ADGRD1: variants seen among roughly 807,000 people sequenced by gnomAD.
ADGRD1 encodes the protein G-protein coupled receptor 133.
A neutral mutation model predicts 113.4 loss-of-function variants in ADGRD1; 77 were observed. The ratio of observed to expected loss-of-function variants is 0.68; its 90% confidence interval spans 0.57 to 0.82. ADGRD1 has a LOEUF of 0.82. ADGRD1 is among the 40% of genes least tolerant of loss of function. The probability of loss-of-function intolerance (pLI) is 0.00; values close to 1 mark genes in which losing one functional copy is unlikely to be tolerated. For missense variants in ADGRD1, 1,036 were observed against 1,139.1 expected (o/e 0.91, Z 1.30); for synonymous variants, 474 against 475.0 (o/e 1.00, Z 0.03).
Position 131,055,932 on chromosome 12 carries a change from A to T in ADGRD1, c.1474-20869A>T, listed in dbSNP as rs1442388513. ...CTCAAGACCACAAACATGACCGGTT[A>T]TTATTAACAGCCACAGAGCTAGGCT... is the stretch of plus-strand genomic sequence containing the variant. On this transcript the variant is annotated intron_variant, in intron 13 of 24. Coordinates refer to ENST00000261654, the MANE Select transcript of ADGRD1 (RefSeq NM_198827.5). 3.3e-5 allele frequency among the ~76,000 whole-genome samples: 5 copies of T among 152,196 alleles called. No individual in the cohort carries two copies. In the East Asian group the frequency reaches 9.6e-4, roughly 29 times the overall value.
intron 13 of ADGRD1, among the ~76,000 whole-genome samples, chr12:131,036,905 T>TG (rs1881509394): frequency 7.0e-6 from 1 of 142,686 alleles, no homozygotes; most frequent in African/African-American, 2.6e-5. Context: ...CTCACTGCAC[T>TG]GAGCCTCACT....
chr12:131,120,877 C>T lies in ADGRD1; in HGVS notation c.2139C>T (p.Ile713=). 1 of 1,614,228 alleles carries T rather than the reference C, an allele frequency of 6.2e-7. No individual in the cohort carries two copies. The highest frequency in any genetic ancestry group is 1.1e-5 in the South Asian group (1 of 91,088). The stretch of plus-strand genomic sequence containing the variant: ...GGCTGTCGTTGGCGAGTGGCGCCAT[C>T]TGGGCCTTTGTAGCCCCTGCCCTGT... ...NCWLSLASGA[I]WAFVAPALFV... Residue 713 remains isoleucine, a synonymous_variant, in exon 20 of 25, where the codon ATC becomes ATT. Transcript: ENST00000261654.
intron 13 of ADGRD1, among the ~76,000 whole-genome samples, chr12:131,016,394 T>C (rs952495015): frequency 1.3e-5 from 2 of 152,268 alleles, no homozygotes; most frequent in Non-Finnish European, 2.9e-5. Flanking sequence ...CTTGCAGTTG[T>C]GCAGTTGACA....
intron 14 of ADGRD1, among the ~76,000 whole-genome samples, chr12:131,078,322 G>A (rs751435060): frequency 1.2e-4 from 18 of 152,184 alleles, no homozygotes; most frequent in Non-Finnish European, 1.8e-4. Context: ...TTTGACCCCC[G>A]GGATGCCTCA....
intron 15 of ADGRD1, among the ~76,000 whole-genome samples, chr12:131,098,713 CCT>C (rs1187931540): frequency 1.3e-5 from 2 of 152,188 alleles, no homozygotes; most frequent in Non-Finnish European, 2.9e-5. Flanking sequence ...CGCCACCGCC[CCT>C]GTGTGTTTCC....
intron 13 of ADGRD1, among the ~76,000 whole-genome samples, chr12:131,028,699 C>T (rs768909181): frequency 6.6e-6 from 1 of 152,172 alleles, no homozygotes; most frequent in African/African-American, 2.4e-5. Flanking sequence ...AGACCAACCT[C>T]TCCCCTAGTG....
intron 13 of ADGRD1, among the ~76,000 whole-genome samples, chr12:131,036,745 C>G (rs1184353608): frequency 7.4e-6 from 1 of 135,036 alleles, no homozygotes; most frequent in African/African-American, 2.6e-5. Flanking sequence ...CATGGGGCCT[C>G]ACTCACTGCA....
chr12:131,002,871 C>T, intron 9 of ADGRD1: 1 of 1,189,622 alleles, frequency 8.4e-7, no homozygotes, highest in Non-Finnish European at 1.1e-6. Context: ...CTGAGGGTCC[C>T]TCTGTGAGTT....
At chr12:131,045,569 C>T (rs1882614092) in intron 13 of ADGRD1, among the ~76,000 whole-genome samples, 1 of 151,694 alleles carries the variant, frequency 6.6e-6, no homozygotes. Flanking sequence ...TCGCTCAGCA[C>T]ACGGCTGTAC....
At position 130,955,123 on chromosome 12, in the gene ADGRD1, C is replaced by CTTTTTTT. The variant is rs71451389; in HGVS notation, c.103+470_103+476dup. Among the ~76,000 whole-genome samples, 43 of 99,668 alleles carry CTTTTTTT rather than the reference C, an allele frequency of 4.3e-4. 1 individual carries two copies. The highest frequency in any genetic ancestry group is 6.1e-4 in the African/African-American group (14 of 23,114). The allele number at this position is 99,668 out of a possible 152,430, so 65.4% of individuals were successfully genotyped here. On this transcript the variant is annotated intron_variant, in intron 2 of 24. Transcript: ENST00000261654. ...CACAGGTGTGCACCACTACACCCAG[C>CTTTTTTT]TTTTTTTTTTTTTGTATTTTTAGTA...
intron 2 of ADGRD1, among the ~76,000 whole-genome samples, chr12:130,958,324 C>T (rs12309915): frequency 0.12 from 17,860 of 151,762 alleles, 1,204 homozygotes; most frequent in African/African-American, 0.16. Context: ...CTCAGTCACC[C>T]GAGCAGCTGG....
chr12:131,000,555 A>G, intron 9 of ADGRD1, 113 bp downstream of exon 9: 2 of 745,336 alleles, frequency 2.7e-6, no homozygotes, highest in South Asian at 1.4e-5. Flanking sequence ...AGCCTGGCCA[A>G]TGTGGCAAAA....
chr12:130,966,515 T>C lies in ADGRD1; in HGVS notation c.156T>C (p.Asp52=). The C allele has an allele frequency of 6.2e-7, 1 of 1,611,342 alleles. No homozygotes were observed. Among genetic ancestry groups the C allele is most frequent in the Non-Finnish European group, 8.5e-7 (1 of 1,177,450 alleles). The stretch of plus-strand genomic sequence containing the variant: ...ATTACTGGCCACTGGAGAATGTGGA[T>C]GGGATCCATGAACTTCAGGATACAA... ...ASHYWPLENV[D]GIHELQDTTG... The change falls in exon 3 of 25, where the codon GAT becomes GAC. Residue 52 remains aspartate, a synonymous_variant. Transcript: ENST00000261654. This position sits in a 1 kb window ranked among gnomAD's most constrained non-coding sequence, Gnocchi z 4.6.
intron 14 of ADGRD1, among the ~76,000 whole-genome samples, chr12:131,080,818 C>G (rs1593178251): frequency 1.3e-5 from 2 of 151,780 alleles, no homozygotes; most frequent in South Asian, 2.1e-4. Context: ...GACGGGGTTT[C>G]ACCGTGTTAG....
In ADGRD1 at chr12:131,065,385, G is replaced by A. The variant is rs761207346; in HGVS notation, c.1474-11416G>A. On this transcript the variant is annotated intron_variant, in intron 13 of 24. Coordinates refer to ENST00000261654, the MANE Select transcript of ADGRD1 (RefSeq NM_198827.5). ...ATCATGAGAACGCTCGGGCCCTGCT[G>A]TAGCAGCGTGGACCCTCGGCTCTGT... 6.5e-4 allele frequency among the ~76,000 whole-genome samples: 99 copies of A among 152,246 alleles called. 1 individual carries two copies. The highest frequency in any genetic ancestry group is 6.4e-3 in the Admixed American group (98 of 15,290).
chr12:131,006,939 C>G (rs960168674), intron 12 of ADGRD1, among the ~76,000 whole-genome samples: 18 of 152,300 alleles, frequency 1.2e-4, no homozygotes, highest in African/African-American at 4.1e-4. Context: ...AAGATGCCAT[C>G]TCAGTTATTT....
At chr12:130,976,020 C>G (rs887725775) in intron 4 of ADGRD1, among the ~76,000 whole-genome samples, 2 of 152,216 alleles carry the variant, frequency 1.3e-5, no homozygotes, top group Admixed American at 6.5e-5. Flanking sequence ...CCCAGAGAGG[C>G]TGCTGAGGTC....
chr12:131,009,474 A>G (rs1256952458), intron 12 of ADGRD1, among the ~76,000 whole-genome samples: 1 of 152,140 alleles, frequency 6.6e-6, no homozygotes, highest in African/African-American at 2.4e-5. Flanking sequence ...TGTGCATTAG[A>G]GCATCTTGTA....
At chr12:131,033,464 C>T (rs1260353067) in intron 13 of ADGRD1, among the ~76,000 whole-genome samples, 1 of 152,234 alleles carries the variant, frequency 6.6e-6, no homozygotes, top group African/African-American at 2.4e-5. Context: ...CAGAGCGTGG[C>T]ATGCAGGGTT....
Sources: gnomAD v4.1 joint callset for allele counts (sites outside exome capture counted in the v4.1 genomes callset) on GRCh38, gnomAD v4.1.1 for gene constraint, Gnocchi (gnomAD v3.1) non-coding constraint, MANE v1.5 for transcripts, NCBI Gene and HGNC (gene_info 2026-07-23, HGNC 2026-07-21) for gene names.